GRM3: variants seen among roughly 807,000 people sequenced by gnomAD.
GRM3 encodes metabotropic glutamate receptor 3.
Under a neutral mutation model 70.5 loss-of-function variants are expected in GRM3, and 26 were observed. That is an observed-to-expected ratio of 0.37 (90% CI 0.27 to 0.51). The LOEUF is 0.51. GRM3 is among the 20% of genes least tolerant of loss of function. The probability of loss-of-function intolerance (pLI) is 0.93; values close to 1 mark genes in which losing one functional copy is unlikely to be tolerated. For missense variants in GRM3, 859 were observed against 1,123.8 expected (o/e 0.76, Z 3.37); for synonymous variants, 443 against 434.9 (o/e 1.02, Z -0.23).
chr7:86,776,359 T>C (rs1158322171), intron 2 of GRM3, among the ~76,000 whole-genome samples: 2 of 152,268 alleles, frequency 1.3e-5, no homozygotes, highest in Non-Finnish European at 1.5e-5. Flanking sequence ...GTGCACTGTT[T>C]GCTTCTTTTG....
At chr7:86,668,164 C>T (rs1383422519) in intron 1 of GRM3, among the ~76,000 whole-genome samples, 1 of 152,086 alleles carries the variant, frequency 6.6e-6, no homozygotes, top group Non-Finnish European at 1.5e-5. Flanking sequence ...TGTTGCTATG[C>T]TAGTAAGAGT....
intron 3 of GRM3, among the ~76,000 whole-genome samples, chr7:86,816,510 T>C (rs529779433): frequency 2.0e-5 from 3 of 152,048 alleles, no homozygotes; most frequent in Admixed American, 6.6e-5. Flanking sequence ...ATGTACTCAA[T>C]GTTTAGCTCC....
intron 1 of GRM3, among the ~76,000 whole-genome samples, chr7:86,727,983 C>G (rs899275323): frequency 2.0e-5 from 3 of 152,104 alleles, no homozygotes; most frequent in Middle Eastern, 3.2e-3. Context: ...GTTTGCCAAC[C>G]CATGAGCTAA....
intron 1 of GRM3, among the ~76,000 whole-genome samples, chr7:86,674,677 T>C (rs1215992863): frequency 6.6e-6 from 1 of 152,140 alleles, no homozygotes; most frequent in African/African-American, 2.4e-5. Flanking sequence ...TTTCTTTACA[T>C]AGCTTACAAG....
At chr7:86,756,334 C>T (rs1176953608) in intron 1 of GRM3, among the ~76,000 whole-genome samples, 4 of 152,158 alleles carry the variant, frequency 2.6e-5, no homozygotes, top group Admixed American at 2.6e-4. Flanking sequence ...CCACCTTGGC[C>T]TCCCAAAGTG....
At chr7:86,840,828 C>G (rs1798544600) in intron 4 of GRM3, among the ~76,000 whole-genome samples, 1 of 152,132 alleles carries the variant, frequency 6.6e-6, no homozygotes, top group Non-Finnish European at 1.5e-5. Flanking sequence ...GTGCCTCCAT[C>G]AGTTGTAAAA....
chr7:86,685,791 A>G (rs564588146), intron 1 of GRM3, among the ~76,000 whole-genome samples: 7 of 151,990 alleles, frequency 4.6e-5, no homozygotes, highest in African/African-American at 1.4e-4. Context: ...CTGTAGTCCA[A>G]GCTACTCACA....
At chr7:86,688,867 G>A (rs1794630641) in intron 1 of GRM3, among the ~76,000 whole-genome samples, 1 of 147,994 alleles carries the variant, frequency 6.8e-6, no homozygotes, top group South Asian at 2.1e-4. Context: ...AAATTAAAAT[G>A]AATATCCTAA....
chr7:86,844,790 A>G (rs1052906431), intron 4 of GRM3, among the ~76,000 whole-genome samples: 2 of 152,210 alleles, frequency 1.3e-5, no homozygotes, highest in African/African-American at 4.8e-5. Flanking sequence ...TCCTTGTGTC[A>G]GAAGACATGA....
chr7:86,858,457 T>G (rs1798893050), intron 5 of GRM3, among the ~76,000 whole-genome samples: 1 of 152,132 alleles, frequency 6.6e-6, no homozygotes, highest in African/African-American at 2.4e-5. Flanking sequence ...ATGATGGGAC[T>G]GATGGCTTTC....
chr7:86,679,867 T>C (rs1794402131), intron 1 of GRM3, among the ~76,000 whole-genome samples: 1 of 152,146 alleles, frequency 6.6e-6, no homozygotes, highest in Admixed American at 6.6e-5. Flanking sequence ...AATTTCTAAT[T>C]TGTTCACTCA....
At chr7:86,830,920 T>C (rs560670144) in intron 3 of GRM3, among the ~76,000 whole-genome samples, 1 of 152,196 alleles carries the variant, frequency 6.6e-6, no homozygotes, top group East Asian at 1.9e-4. Flanking sequence ...AGGAGAACAC[T>C]GTGTGAATGT....
rs554521292 is a variant in GRM3, at chr7:86,838,672, A to T, written c.1325-167A>T. On this transcript the variant is annotated intron_variant, in intron 3 of 5. Coordinates refer to ENST00000361669, the MANE Select transcript of GRM3 (RefSeq NM_000840.3). ...TGAATGAATGTATAAATGCATGAGC[A>T]CTTTAGTAGCTTTTGAAGTGTAACT... Among the ~76,000 whole-genome samples the T allele has an allele frequency of 2.0e-3, 303 of 152,350 alleles. 1 individual carries two copies. Among genetic ancestry groups the T allele is most frequent in the Admixed American group, 3.5e-3 (54 of 15,308 alleles).
At chr7:86,770,741 G>A (rs533606098) in intron 2 of GRM3, among the ~76,000 whole-genome samples, 1 of 152,162 alleles carries the variant, frequency 6.6e-6, no homozygotes, top group Admixed American at 6.6e-5. Flanking sequence ...AGGAGCATAG[G>A]AAAAATAGTT....
chr7:86,786,054 T>A lies in GRM3; in HGVS notation c.469-207T>A, dbSNP rs1797230546. The A allele has an allele frequency of 1.7e-6, 1 of 599,864 alleles. No homozygotes were observed. The highest frequency in any genetic ancestry group is 1.9e-5 in the South Asian group (1 of 53,668). 37.2% of individuals were successfully genotyped at this position (599,864 alleles called of 1,614,324 possible). On this transcript the variant is annotated intron_variant, in intron 2 of 5. Coordinates refer to ENST00000361669, the MANE Select transcript of GRM3 (RefSeq NM_000840.3). This position sits in a 1 kb window ranked among gnomAD's most constrained non-coding sequence, Gnocchi z 6.0. ...CTCTGCCCTTTCCTGAAGCACACAC[T>A]ACCTGTGTGAGACCTGCTTCCTAGT...
intron 1 of GRM3, among the ~76,000 whole-genome samples, chr7:86,760,918 T>TATC (rs1461518566): frequency 1.3e-5 from 2 of 152,240 alleles, no homozygotes; most frequent in Admixed American, 6.5e-5. Flanking sequence ...ATGGTCTGCA[T>TATC]ATCTAATTTT....
intron 1 of GRM3, among the ~76,000 whole-genome samples, chr7:86,747,475 A>C (rs10274631): frequency 0.4 from 61,168 of 151,964 alleles, 15,373 homozygotes; most frequent in African/African-American, 0.72. Context: ...CTTTAATCTT[A>C]TACATAAATC....
At chr7:86,727,301 C>G (rs1318002698) in intron 1 of GRM3, among the ~76,000 whole-genome samples, 1 of 152,124 alleles carries the variant, frequency 6.6e-6, no homozygotes, top group Non-Finnish European at 1.5e-5. Context: ...CTAGCTATAG[C>G]TCCTCTCCCA....
intron 3 of GRM3, among the ~76,000 whole-genome samples, chr7:86,802,459 T>C (rs1797703427): frequency 6.6e-6 from 1 of 152,162 alleles, no homozygotes; most frequent in South Asian, 2.1e-4. Context: ...GTAATTGTTA[T>C]AATGATGTCT....
Sources: allele counts gnomAD v4.1 joint callset (sites outside exome capture counted in the v4.1 genomes callset), GRCh38; gene constraint gnomAD v4.1.1; non-coding constraint Gnocchi (gnomAD v3.1); transcripts MANE v1.5; gene names NCBI Gene and HGNC (gene_info 2026-07-23, HGNC 2026-07-21).